MVB12B: variants seen among roughly 807,000 people sequenced by gnomAD.
The protein encoded by MVB12B is ESCRT-I complex subunit MVB12B.
MVB12B carries 16 observed loss-of-function variants against 41.6 expected under a neutral mutation model. The ratio of observed to expected loss-of-function variants is 0.38; its 90% CI spans 0.26 to 0.58. The LOEUF (loss-of-function observed/expected upper bound fraction) is 0.58, where lower values mean the gene tolerates loss of function less well. Ranked by LOEUF, MVB12B falls within the 20% of genes least tolerant of loss-of-function variation. The probability of loss-of-function intolerance (pLI) is 0.62; values close to 1 mark genes in which losing one functional copy is unlikely to be tolerated. For synonymous variants in MVB12B, 133 were observed against 139.7 expected, an observed-to-expected ratio of 0.95 and a Z score of 0.34; for missense variants, 274 against 380.2, an observed-to-expected ratio of 0.72 and a Z score of 2.32.
At chr9:126,403,168 T>C (rs1831315531) in intron 6 of MVB12B, among the ~76,000 whole-genome samples, 1 of 152,238 alleles carries the variant, frequency 6.6e-6, no homozygotes, top group Admixed American at 6.5e-5. Context: ...TCCTTTTTCC[T>C]CAATCGAGAA....
At chr9:126,370,993 A>G (rs1830320041) in intron 2 of MVB12B, among the ~76,000 whole-genome samples, 1 of 152,214 alleles carries the variant, frequency 6.6e-6, no homozygotes, top group Non-Finnish European at 1.5e-5. Flanking sequence ...TCTTTAATCC[A>G]TCAAGAATTT....
At chr9:126,491,920 GATTA>G (rs761552926) in intron 9 of MVB12B, among the ~76,000 whole-genome samples, 1 of 152,094 alleles carries the variant, frequency 6.6e-6, no homozygotes, top group Non-Finnish European at 1.5e-5. Context: ...CCACAGACAA[GATTA>G]ATTATCTTCC....
chr9:126,415,982 T>C (rs1023167782), intron 6 of MVB12B, among the ~76,000 whole-genome samples: 9 of 152,120 alleles, frequency 5.9e-5, no homozygotes, highest in African/African-American at 2.2e-4. Context: ...GAGCAGAGGC[T>C]GGAGGAACAA....
At chr9:126,408,426 T>TGGATCC (rs1415314078) in intron 6 of MVB12B, 2 of 143,586 alleles carry the variant, frequency 1.4e-5, no homozygotes, top group Admixed American at 1.4e-4. Flanking sequence ...GCAGGCCTGA[T>TGGATCC]GGATCCGGAT....
chr9:126,381,216 T>C, intron 3 of MVB12B, 45 bp downstream of exon 3: 1 of 1,300,064 alleles, frequency 7.7e-7, no homozygotes, highest in East Asian at 2.3e-5. Context: ...GCACAAGTAA[T>C]TTACATTCCT....
chr9:126,464,654 C>G (rs1833162247), intron 7 of MVB12B, among the ~76,000 whole-genome samples: 1 of 152,230 alleles, frequency 6.6e-6, no homozygotes. Context: ...CTGTGTGGAG[C>G]TTGCCTTCAC....
chr9:126,483,568 G>A (rs1833569863), intron 8 of MVB12B, among the ~76,000 whole-genome samples: 2 of 152,080 alleles, frequency 1.3e-5, no homozygotes, highest in South Asian at 2.1e-4. Context: ...GGCGGCCTCC[G>A]GGGAGAGCTT....
At position 126,447,323 on chromosome 9, in the gene MVB12B, T is replaced by C. The variant is rs1832798545; in HGVS notation, c.757+25375T>C. On this transcript the variant is annotated intron_variant, in intron 7 of 9. Coordinates refer to ENST00000361171, the MANE Select transcript of MVB12B (RefSeq NM_033446.3). Reference sequence around the variant, plus strand: ...TCCCTTGAGTGGTTCCCTCATTTGTTTTCTGTCCTTTTTTGATTTTTAATA... The same window carrying C: ...TCCCTTGAGTGGTTCCCTCATTTGTCTTCTGTCCTTTTTTGATTTTTAATA... 2.0e-5 allele frequency among the ~76,000 whole-genome samples: 3 copies of C among 151,824 alleles called. No homozygotes were observed. In the South Asian group the frequency reaches 6.2e-4, roughly 32 times the overall value.
intron 7 of MVB12B, among the ~76,000 whole-genome samples, chr9:126,451,107 G>A (rs1488520209): frequency 6.6e-6 from 1 of 152,218 alleles, no homozygotes; most frequent in Non-Finnish European, 1.5e-5. Context: ...AAGAGCAGGG[G>A]TCAGAGGAGG....
At chr9:126,393,970 C>T (rs1831032251) in intron 5 of MVB12B, among the ~76,000 whole-genome samples, 1 of 152,256 alleles carries the variant, frequency 6.6e-6, no homozygotes, top group African/African-American at 2.4e-5. Flanking sequence ...CAGATGAGCC[C>T]TCGTGGCATT....
In MVB12B at chr9:126,392,322, C is replaced by T; in HGVS notation, c.539+127C>T. On this transcript the variant is annotated intron_variant, in intron 5 of 9. Coordinates refer to ENST00000361171, the MANE Select transcript of MVB12B (RefSeq NM_033446.3). The surrounding 1 kb of genome is among the most constrained non-coding windows in gnomAD (Gnocchi z 4.8). The stretch of plus-strand genomic sequence containing the variant: ...CTCTCAGCCATGGGCCTCTGTCAGC[C>T]CAGTGCTCCTCGCTGCCCTTCCTGC... The T allele has an allele frequency of 8.9e-7, 1 of 1,119,652 alleles. No homozygotes were observed. Among genetic ancestry groups the T allele is most frequent in the Non-Finnish European group, 1.3e-6 (1 of 773,624 alleles). 69.4% of individuals were successfully genotyped at this position (1,119,652 alleles called of 1,614,324 possible). A position where few individuals can be genotyped will look rare whatever the true frequency, so the allele number is the denominator to read the frequency against.
intron 9 of MVB12B, among the ~76,000 whole-genome samples, chr9:126,496,202 TAC>T: frequency 5.1e-5 from 1 of 19,484 alleles, no homozygotes; most frequent in African/African-American, 2.1e-4. Flanking sequence ...CCCACCCACC[TAC>T]CCACCCGTCC....
intron 9 of MVB12B, among the ~76,000 whole-genome samples, chr9:126,496,585 C>T (rs530743651): frequency 1.6e-3 from 244 of 152,042 alleles, no homozygotes; most frequent in African/African-American, 5.6e-3. Flanking sequence ...TGTTGTGGTC[C>T]GTTCTCCCCG....
At chr9:126,359,057 T>G (rs1829959204) in intron 2 of MVB12B, among the ~76,000 whole-genome samples, 1 of 151,548 alleles carries the variant, frequency 6.6e-6, no homozygotes, top group Non-Finnish European at 1.5e-5. Context: ...TCTTTTTAAT[T>G]TTAATTTTTT....
chr9:126,464,930 G>A (rs565341870), intron 7 of MVB12B, among the ~76,000 whole-genome samples: 22 of 152,278 alleles, frequency 1.4e-4, no homozygotes, highest in South Asian at 1.2e-3. Context: ...TGTTACTCCC[G>A]GCGTGCTTTG....
chr9:126,352,211 T>C (rs1829771026), intron 2 of MVB12B, among the ~76,000 whole-genome samples: 1 of 152,232 alleles, frequency 6.6e-6, no homozygotes, highest in Admixed American at 6.5e-5. Flanking sequence ...TTTTGTATAC[T>C]GTCTGTCTGG....
intron 9 of MVB12B, among the ~76,000 whole-genome samples, chr9:126,490,814 A>C (rs1833715867): frequency 6.6e-6 from 1 of 152,202 alleles, no homozygotes. Flanking sequence ...TTATACCTAA[A>C]TATTTTCCTT....
At chr9:126,407,700 C>T (rs113111878) in intron 6 of MVB12B, among the ~76,000 whole-genome samples, 12 of 152,258 alleles carry the variant, frequency 7.9e-5, no homozygotes, top group African/African-American at 2.6e-4. Flanking sequence ...GGAATGGCTA[C>T]GGCATGTCCT....
At position 126,416,917 on chromosome 9, in the gene MVB12B, G is replaced by A. The variant is rs1831843254; in HGVS notation, c.663-4937G>A. On this transcript the variant is annotated intron_variant, in intron 6 of 9. Coordinates refer to ENST00000361171, the MANE Select transcript of MVB12B (RefSeq NM_033446.3). ...CTTCATCCTTGTCTCTCACTTTCAG[G>A]CTAATCTGACACCAAAGCACTCCTG... 4.6e-5 allele frequency among the ~76,000 whole-genome samples: 7 copies of A among 152,280 alleles called. No homozygotes were observed. The South Asian group carries it at 1.5e-3, about 32-fold the overall frequency.
Sources: allele counts gnomAD v4.1 joint callset (sites outside exome capture counted in the v4.1 genomes callset), GRCh38; gene constraint gnomAD v4.1.1; non-coding constraint Gnocchi (gnomAD v3.1); transcripts MANE v1.5; gene names NCBI Gene and HGNC (gene_info 2026-07-23, HGNC 2026-07-21).